GLI2: variants seen among roughly 807,000 people sequenced by gnomAD.
The protein encoded by GLI2 is transcription activator GLI2.
Under a neutral mutation model 78.9 loss-of-function variants are expected in GLI2, and 22 were observed. That is an observed-to-expected ratio of 0.28 (90% CI 0.20 to 0.40). GLI2 has a LOEUF of 0.40. Ranked by LOEUF, GLI2 falls within the 10% of genes least tolerant of loss-of-function variation. The pLI, the probability that GLI2 is intolerant of heterozygous loss-of-function variation, is 1.00. For missense variants in GLI2, 2,097 were observed against 2,213.2 expected, an observed-to-expected ratio of 0.95 and a Z score of 1.05; for synonymous variants, 974 against 963.7, an observed-to-expected ratio of 1.01 and a Z score of -0.20.
chr2:120,902,684 G>A (rs776309474), intron 2 of GLI2, among the ~76,000 whole-genome samples: 5 of 152,186 alleles, frequency 3.3e-5, no homozygotes, highest in Non-Finnish European at 5.9e-5. Flanking sequence ...GCCCCTCGCC[G>A]GGTCCCTCCT....
At chr2:120,897,358 A>C (rs1449456173) in intron 2 of GLI2, among the ~76,000 whole-genome samples, 2 of 152,126 alleles carry the variant, frequency 1.3e-5, no homozygotes, top group African/African-American at 4.8e-5. Flanking sequence ...CAAGAGCCTG[A>C]ACACTACCGC....
chr2:120,887,483 G>A (rs1437271381), intron 2 of GLI2, among the ~76,000 whole-genome samples: 1 of 152,238 alleles, frequency 6.6e-6, no homozygotes, highest in East Asian at 1.9e-4. Context: ...CACTCCCCGC[G>A]CTGGCGAAGC....
intron 3 of GLI2, among the ~76,000 whole-genome samples, chr2:120,947,977 G>A (rs1242628261): frequency 6.6e-6 from 1 of 152,228 alleles, no homozygotes; most frequent in Non-Finnish European, 1.5e-5. Flanking sequence ...AGGCTGGCCT[G>A]TCTCTCCACT....
chr2:120,945,990 C>CACACAG (rs1401104253), intron 3 of GLI2, among the ~76,000 whole-genome samples: 1 of 151,692 alleles, frequency 6.6e-6, no homozygotes, highest in Non-Finnish European at 1.5e-5. Flanking sequence ...CACACACACA[C>CACACAG]AGCTTTGTGC....
intron 2 of GLI2, among the ~76,000 whole-genome samples, chr2:120,808,005 G>C (rs891550724): frequency 5.3e-5 from 8 of 152,312 alleles, no homozygotes; most frequent in Admixed American, 3.3e-4. Flanking sequence ...CTGTCAGAGG[G>C]CGTGGACCTC....
intron 1 of GLI2, among the ~76,000 whole-genome samples, chr2:120,739,066 G>A (rs1317310172): frequency 6.6e-6 from 1 of 152,192 alleles, no homozygotes; most frequent in African/African-American, 2.4e-5. Context: ...CTCATTGCCT[G>A]GCTGCGGGGG....
rs528661643 is a variant in GLI2 at position 120,887,811 on chromosome 2, G to A, written c.149-39550G>A. Among the ~76,000 whole-genome samples, 73 of 152,306 alleles carry A rather than the reference G, an allele frequency of 4.8e-4. 1 individual carries two copies. In the South Asian group the frequency reaches 1.0e-2, roughly 21 times the overall value. On this transcript the variant is annotated intron_variant, in intron 2 of 13. Transcript: ENST00000361492. ...GCACACTCTTAAGAGGAAGGGGAGC[G>A]CTAATACCAGCGTTTGCCCAGGTCC... is the stretch of plus-strand genomic sequence containing the variant.
At chr2:120,843,689 CAG>C (rs1558828976) in intron 2 of GLI2, among the ~76,000 whole-genome samples, 2 of 152,198 alleles carry the variant, frequency 1.3e-5, no homozygotes, top group African/African-American at 2.4e-5. Context: ...TGTTTTGAGA[CAG>C]AGTCTCCCTC....
At chr2:120,761,652 C>T (rs554734741) in intron 1 of GLI2, among the ~76,000 whole-genome samples, 19 of 152,166 alleles carry the variant, frequency 1.2e-4, no homozygotes, top group East Asian at 3.9e-4. Flanking sequence ...AGTCCCAGCC[C>T]GGGAGAGCCA....
intron 5 of GLI2, among the ~76,000 whole-genome samples, chr2:120,955,837 G>A (rs1440531655): frequency 6.6e-6 from 1 of 152,136 alleles, no homozygotes. Flanking sequence ...CTGGGAAGTT[G>A]AAATCTGGGG....
intron 1 of GLI2, among the ~76,000 whole-genome samples, chr2:120,781,116 T>TGTCC (rs1683834819): frequency 6.6e-6 from 1 of 152,180 alleles, no homozygotes; most frequent in African/African-American, 2.4e-5. Flanking sequence ...TGTCCCTGCT[T>TGTCC]CTGGGCCTGG....
At chr2:120,888,443 G>A (rs566653272) in intron 2 of GLI2, among the ~76,000 whole-genome samples, 27 of 152,266 alleles carry the variant, frequency 1.8e-4, no homozygotes, top group African/African-American at 4.1e-4. Context: ...GAACAGCACC[G>A]CCATCACTTT....
At chr2:120,805,197 C>CA in intron 2 of GLI2, among the ~76,000 whole-genome samples, 1 of 152,368 alleles carries the variant, frequency 6.6e-6, no homozygotes, top group South Asian at 2.1e-4. Context: ...TCCCCAAGCA[C>CA]AACAGGTTTG....
intron 2 of GLI2, among the ~76,000 whole-genome samples, chr2:120,925,867 T>C (rs1679636973): frequency 6.6e-6 from 1 of 150,634 alleles, no homozygotes. Context: ...GGTCAGGAGA[T>C]TGAGACCATC....
chr2:120,754,714 G>C (rs11679744), intron 1 of GLI2, among the ~76,000 whole-genome samples: 33,754 of 152,120 alleles, frequency 0.22, 4,123 homozygotes, highest in Non-Finnish European at 0.27. Context: ...TTACAAGTGA[G>C]GTTGCTTTGA....
chr2:120,849,661 A>C, intron 2 of GLI2, among the ~76,000 whole-genome samples: 1 of 152,218 alleles, frequency 6.6e-6, no homozygotes, highest in Admixed American at 6.5e-5. Flanking sequence ...CTTCTAACCA[A>C]GTTTCCAGTC....
chr2:120,971,697 C>T (rs1049561817), intron 7 of GLI2, among the ~76,000 whole-genome samples: 2 of 152,196 alleles, frequency 1.3e-5, no homozygotes, highest in Admixed American at 6.5e-5. Flanking sequence ...TTTCCCATTT[C>T]CCAGAAGTCT....
chr2:120,814,650 A>G (rs901155450), intron 2 of GLI2, among the ~76,000 whole-genome samples: 10 of 152,332 alleles, frequency 6.6e-5, no homozygotes, highest in Non-Finnish European at 7.4e-5. Context: ...CAGCAGCGGC[A>G]TTACATTCTC....
intron 1 of GLI2, among the ~76,000 whole-genome samples, chr2:120,759,931 A>G (rs1195336641): frequency 6.6e-6 from 1 of 152,260 alleles, no homozygotes; most frequent in East Asian, 1.9e-4. Context: ...GAGGAAGACT[A>G]AATATGTATT....
Sources: allele counts gnomAD v4.1 joint callset (sites outside exome capture counted in the v4.1 genomes callset), GRCh38; gene constraint gnomAD v4.1.1; transcripts MANE v1.5; gene names NCBI Gene and HGNC (gene_info 2026-07-23, HGNC 2026-07-21).